Variants in EFCAB6 observed in about 807,000 individuals in gnomAD.
EFCAB6 encodes the protein EF-hand calcium-binding domain-containing protein 6.
EFCAB6 carries 156 observed loss-of-function variants against 169.8 expected under a neutral mutation model. The ratio of observed to expected loss-of-function variants is 0.92; its 90% CI spans 0.81 to 1.05. The LOEUF is 1.05. Among genes scored for constraint, EFCAB6 ranks in the 50% least tolerant of loss-of-function variants. EFCAB6 has a pLI of 0.00. For synonymous variants in EFCAB6, 698 were observed against 676.4 expected, an observed-to-expected ratio of 1.03 and a Z score of -0.50; for missense variants, 1,800 against 1,829.1, an observed-to-expected ratio of 0.98 and a Z score of 0.29.
chr22:43,613,745 A>G (rs188200624), intron 21 of EFCAB6, among the ~76,000 whole-genome samples: 8 of 152,292 alleles, frequency 5.3e-5, no homozygotes, highest in Non-Finnish European at 1.2e-4. Context: ...ACCTGCACAC[A>G]TATCCCTGAA....
chr22:43,604,842 C>G (rs1438620714), intron 22 of EFCAB6, among the ~76,000 whole-genome samples: 1 of 152,152 alleles, frequency 6.6e-6, no homozygotes, highest in African/African-American at 2.4e-5. Context: ...ATCTTGCAAA[C>G]TTTCTGGCAG....
intron 21 of EFCAB6, among the ~76,000 whole-genome samples, chr22:43,609,646 T>C (rs985194696): frequency 9.8e-5 from 15 of 152,334 alleles, no homozygotes; most frequent in Admixed American, 8.5e-4. Flanking sequence ...TGAAAGATAT[T>C]GAAGAAGATC....
rs140826656 is a variant in EFCAB6 at position 43,742,117 on chromosome 22, C to T, written c.508-6124G>A. ...TGAGTCATTACCCATGGAGACCTAACTCCCTTCATTCCAGGTGTGGCAAAC... is the reference window on the plus strand; with the variant it reads ...TGAGTCATTACCCATGGAGACCTAATTCCCTTCATTCCAGGTGTGGCAAAC... On this transcript the variant is annotated intron_variant, in intron 6 of 31. Coordinates refer to ENST00000262726, the MANE Select transcript of EFCAB6 (RefSeq NM_022785.4). 3.4e-3 allele frequency among the ~76,000 whole-genome samples: 520 copies of T among 152,342 alleles called. 3 individuals carry two copies. Among genetic ancestry groups the T allele is most frequent in the Middle Eastern group, 0.024 (7 of 294 alleles).
intron 3 of EFCAB6, among the ~76,000 whole-genome samples, chr22:43,780,466 G>A: frequency 9.2e-6 from 1 of 108,256 alleles, no homozygotes; most frequent in Non-Finnish European, 1.7e-5. Context: ...CAGCCTGGAT[G>A]ACAGAGTAAG....
intron 17 of EFCAB6, among the ~76,000 whole-genome samples, chr22:43,648,547 G>A (rs1487282565): frequency 1.3e-5 from 2 of 152,158 alleles, no homozygotes; most frequent in Admixed American, 6.5e-5. Flanking sequence ...AGATACTGGG[G>A]ACTACTAGAG....
At chr22:43,765,562 G>A (rs779012078) in intron 4 of EFCAB6, among the ~76,000 whole-genome samples, 169 bp from the exon 5 acceptor site, 10 of 152,094 alleles carry the variant, frequency 6.6e-5, no homozygotes, top group Non-Finnish European at 1.3e-4. Flanking sequence ...AGGTGTCACG[G>A]TGAACATGCA....
At chr22:43,646,195 C>T (rs1038383750) in intron 17 of EFCAB6, among the ~76,000 whole-genome samples, 6 of 152,138 alleles carry the variant, frequency 3.9e-5, no homozygotes, top group Non-Finnish European at 8.8e-5. Context: ...GACAAATGGG[C>T]GCAACAGGAA....
intron 6 of EFCAB6, among the ~76,000 whole-genome samples, chr22:43,742,011 A>AG (rs2060390699): frequency 6.6e-6 from 1 of 151,994 alleles, no homozygotes; most frequent in South Asian, 2.1e-4. Flanking sequence ...CGGTAACAAA[A>AG]GGGGAAAGGT....
intron 31 of EFCAB6, among the ~76,000 whole-genome samples, chr22:43,529,512 G>T (rs771497845): frequency 2.0e-5 from 3 of 152,208 alleles, no homozygotes; most frequent in Non-Finnish European, 4.4e-5. Flanking sequence ...CCAGCTAACC[G>T]GGAACATGTC....
chr22:43,783,700 TAAC>T (rs2061910148), intron 2 of EFCAB6, among the ~76,000 whole-genome samples: 1 of 152,142 alleles, frequency 6.6e-6, no homozygotes, highest in Non-Finnish European at 1.5e-5. Flanking sequence ...AACAAGCAGT[TAAC>T]AACAACAAAA....
At position 43,810,014 on chromosome 22, in the gene EFCAB6, T is replaced by C. The variant is rs184403383; in HGVS notation, c.-144-883A>G. ...CTCTTGGGTTCAAGTGATCCTCCCA[T>C]CTCGGCCTCCTGAGTAGCTGGAAGT... On this transcript the variant is annotated intron_variant, in intron 1 of 31. Transcript: ENST00000262726. Among the ~76,000 whole-genome samples the C allele has an allele frequency of 2.8e-3, 425 of 152,160 alleles. 1 individual carries two copies. The highest frequency in any genetic ancestry group is 9.9e-3 in the African/African-American group (412 of 41,510).
At chr22:43,564,046 C>T (rs989452662) in intron 26 of EFCAB6, among the ~76,000 whole-genome samples, 3 of 152,224 alleles carry the variant, frequency 2.0e-5, no homozygotes, top group African/African-American at 7.2e-5. Flanking sequence ...CTCTGGGCTT[C>T]CGTCCTCCAT....
At chr22:43,561,804 A>C (rs1023616896) in intron 26 of EFCAB6, among the ~76,000 whole-genome samples, 17 of 152,282 alleles carry the variant, frequency 1.1e-4, no homozygotes, top group African/African-American at 4.1e-4. Context: ...CTTTTTCTAT[A>C]ACTAGAAGAA....
At chr22:43,656,371 A>T (rs578138418) in intron 17 of EFCAB6, among the ~76,000 whole-genome samples, 48 of 152,098 alleles carry the variant, frequency 3.2e-4, no homozygotes, top group African/African-American at 1.2e-3. Context: ...CAGCCTGGGC[A>T]ACAAGAGCAA....
chr22:43,752,369 C>T (rs1027973147), intron 6 of EFCAB6, among the ~76,000 whole-genome samples: 16 of 152,150 alleles, frequency 1.1e-4, no homozygotes, highest in African/African-American at 3.9e-4. Flanking sequence ...TCGCCTGCCT[C>T]GGCCTCCCAA....
intron 23 of EFCAB6, among the ~76,000 whole-genome samples, chr22:43,593,659 C>T (rs375680298): frequency 5.9e-5 from 9 of 152,294 alleles, no homozygotes; most frequent in Admixed American, 6.5e-5. Context: ...TTCTCTGAAA[C>T]CCTGTTGAGC....
chr22:43,602,995 A>G (rs1218304948), intron 22 of EFCAB6, among the ~76,000 whole-genome samples: 1 of 151,828 alleles, frequency 6.6e-6, no homozygotes, highest in Non-Finnish European at 1.5e-5. Context: ...AATCATTTTT[A>G]CAAATTCACA....
At chr22:43,774,253 C>T (rs550338056) in intron 3 of EFCAB6, among the ~76,000 whole-genome samples, 22 of 151,528 alleles carry the variant, frequency 1.5e-4, no homozygotes, top group African/African-American at 4.4e-4. Flanking sequence ...CCAAAGATCT[C>T]GGTGCACCAA....
chr22:43,564,502 T>G (rs2049296103), intron 26 of EFCAB6, among the ~76,000 whole-genome samples: 1 of 150,372 alleles, frequency 6.7e-6, no homozygotes, highest in Admixed American at 6.6e-5. Flanking sequence ...GCGTCTGAGA[T>G]AAAGGCAAAT....
Sources: allele counts gnomAD v4.1 joint callset (sites outside exome capture counted in the v4.1 genomes callset), GRCh38; gene constraint gnomAD v4.1.1; transcripts MANE v1.5; gene names NCBI Gene and HGNC (gene_info 2026-07-23, HGNC 2026-07-21).